The following PPP1R12A variants were observed in gnomAD, a reference collection of about 807,000 sequenced individuals.
PPP1R12A encodes myosin binding subunit.
Under a neutral mutation model 139.6 loss-of-function variants are expected in PPP1R12A, and 19 were observed. The ratio of observed to expected loss-of-function variants is 0.14; its 90% CI spans 0.09 to 0.20. PPP1R12A has a LOEUF of 0.20. PPP1R12A is among the 10% of genes least tolerant of loss of function. The pLI, the probability that PPP1R12A is intolerant of heterozygous loss-of-function variation, is 1.00. For missense variants in PPP1R12A, 925 were observed against 1,211.5 expected, an observed-to-expected ratio of 0.76 and a Z score of 3.51; for synonymous variants, 427 against 420.6, an observed-to-expected ratio of 1.02 and a Z score of -0.19.
At chr12:79,812,817 T>C (rs1011707710) in intron 9 of PPP1R12A, among the ~76,000 whole-genome samples, 2 of 152,152 alleles carry the variant, frequency 1.3e-5, no homozygotes, top group African/African-American at 2.4e-5. Context: ...AGTATATCTC[T>C]TCAATCTCCT....
chr12:79,842,629 G>A (rs1475826914), intron 3 of PPP1R12A, among the ~76,000 whole-genome samples: 3 of 150,234 alleles, frequency 2.0e-5, no homozygotes, highest in African/African-American at 7.4e-5. Context: ...CCTGCCCAAA[G>A]GTACTGCAGA....
intron 1 of PPP1R12A, among the ~76,000 whole-genome samples, chr12:79,909,214 G>C (rs1362425304): frequency 6.6e-6 from 1 of 152,092 alleles, no homozygotes; most frequent in Non-Finnish European, 1.5e-5. Flanking sequence ...AGGTCTAATG[G>C]AATAATAAAA....
At position 79,777,177 on chromosome 12, in the gene PPP1R12A, TA is replaced by T. The variant is rs1869832246; in HGVS notation, c.3007-1163del. On this transcript the variant is annotated intron_variant, in intron 24 of 24. Transcript: ENST00000450142. ...AATATATTAATTATATGTAAAATGT[TA>T]TATACTGTTGGTTTTCTCTCTAGTA... 5 of 894,426 alleles carry T rather than the reference TA, an allele frequency of 5.6e-6. No individual in the cohort carries two copies. The African/African-American group carries it at 9.1e-5, about 16-fold the overall frequency. The allele number at this position is 894,426 out of a possible 1,614,324, so 55.4% of individuals were successfully genotyped here. A position where few individuals can be genotyped will look rare whatever the true frequency, so the allele number is the denominator to read the frequency against.
intron 21 of PPP1R12A, chr12:79,788,261 C>G (rs1025499430): frequency 1.9e-5 from 3 of 160,592 alleles, no homozygotes; most frequent in African/African-American, 7.2e-5. Flanking sequence ...CTTAATAGCA[C>G]TTGAGCTGCC....
At chr12:79,884,194 A>G (rs975806294) in intron 1 of PPP1R12A, among the ~76,000 whole-genome samples, 28 of 152,162 alleles carry the variant, frequency 1.8e-4, no homozygotes, top group Non-Finnish European at 4.0e-4. Flanking sequence ...GGTAATTTTT[A>G]AAGTTTCTCC....
intron 14 of PPP1R12A, among the ~76,000 whole-genome samples, chr12:79,800,118 G>A (rs950736971): frequency 3.9e-5 from 6 of 152,080 alleles, no homozygotes; most frequent in Non-Finnish European, 5.9e-5. Context: ...AATCATTAAC[G>A]CTTCATCAAA....
intron 1 of PPP1R12A, among the ~76,000 whole-genome samples, chr12:79,893,376 C>T (rs1024325842): frequency 1.3e-5 from 2 of 152,136 alleles, no homozygotes; most frequent in South Asian, 2.1e-4. Flanking sequence ...ATTATCTACT[C>T]GTATGTACTA....
chr12:79,889,938 A>T (rs1884438985), intron 1 of PPP1R12A, among the ~76,000 whole-genome samples: 1 of 152,096 alleles, frequency 6.6e-6, no homozygotes, highest in Non-Finnish European at 1.5e-5. Flanking sequence ...CACTAATTTC[A>T]ATTTAAAAGG....
chr12:79,807,640 A>C (rs1874007484), intron 11 of PPP1R12A, among the ~76,000 whole-genome samples: 1 of 151,700 alleles, frequency 6.6e-6, no homozygotes, highest in Admixed American at 6.6e-5. Flanking sequence ...ATGTGCCGAC[A>C]AAAAAAATGC....
intron 3 of PPP1R12A, among the ~76,000 whole-genome samples, chr12:79,841,068 AAGAG>A (rs943798768): frequency 5.4e-4 from 81 of 150,200 alleles, no homozygotes; most frequent in Non-Finnish European, 8.3e-4. Context: ...AAAAAAAAAA[AAGAG>A]AGAGAGAGAG....
chr12:79,909,813 T>A (rs775243384), intron 1 of PPP1R12A, among the ~76,000 whole-genome samples: 13 of 152,112 alleles, frequency 8.5e-5, no homozygotes, highest in Admixed American at 2.0e-4. Flanking sequence ...GTTGTTGTTG[T>A]TGACGATGTT....
intron 2 of PPP1R12A, among the ~76,000 whole-genome samples, chr12:79,858,679 A>G (rs1880964619): frequency 6.6e-6 from 1 of 152,206 alleles, no homozygotes; most frequent in Non-Finnish European, 1.5e-5. Flanking sequence ...TCAAAGCACC[A>G]AAAATAACAG....
At chr12:79,903,619 T>C (rs1409417895) in intron 1 of PPP1R12A, among the ~76,000 whole-genome samples, 2 of 152,130 alleles carry the variant, frequency 1.3e-5, no homozygotes, top group Non-Finnish European at 2.9e-5. Context: ...ACTCTTCTGG[T>C]CCCAAGTATC....
intron 22 of PPP1R12A, among the ~76,000 whole-genome samples, chr12:79,783,520 A>C: frequency 6.8e-6 from 1 of 147,846 alleles, no homozygotes; most frequent in East Asian, 1.9e-4. Context: ...GTTAATTCTC[A>C]TTTATTTTTG....
chr12:79,898,722 C>A (rs1171806979), intron 1 of PPP1R12A, among the ~76,000 whole-genome samples: 1 of 152,112 alleles, frequency 6.6e-6, no homozygotes, highest in Non-Finnish European at 1.5e-5. Flanking sequence ...AAACCAATCA[C>A]TAGTCCAATT....
intron 23 of PPP1R12A, 132 bp from the exon 24 acceptor site, chr12:79,778,732 G>T: frequency 1.9e-6 from 1 of 525,526 alleles, no homozygotes; most frequent in Non-Finnish European, 3.1e-6. Flanking sequence ...TGTGATGCCA[G>T]TGATATGTAA....
chr12:79,820,712 ATCTTG>A (rs1243106125), intron 8 of PPP1R12A, 57 bp downstream of exon 8: 9 of 1,563,860 alleles, frequency 5.8e-6, no homozygotes, highest in African/African-American at 4.1e-5. Context: ...ATTACGTCTC[ATCTTG>A]TCTTATTTTA....
intron 2 of PPP1R12A, among the ~76,000 whole-genome samples, chr12:79,845,753 A>G (rs1309342914): frequency 6.6e-6 from 1 of 152,042 alleles, no homozygotes; most frequent in Admixed American, 6.6e-5. Flanking sequence ...GGAGAATGGC[A>G]AGAACCCGGG....
In PPP1R12A at chr12:79,822,692, C is replaced by T. The variant is rs1397916933; in HGVS notation, c.793-502G>A. Among the ~76,000 whole-genome samples, 6 of 151,996 alleles carry T rather than the reference C, an allele frequency of 3.9e-5. No homozygotes were observed. In the East Asian group the frequency reaches 1.2e-3, roughly 29 times the overall value. ...TTCTTTGTGACTGGCTTCTTTCACT[C>T]TACATGTTTTCAAGGTTCATTCATG... On this transcript the variant is annotated intron_variant, in intron 5 of 24. Transcript: ENST00000450142.
Sources: gnomAD v4.1 joint callset for allele counts (sites outside exome capture counted in the v4.1 genomes callset) on GRCh38, gnomAD v4.1.1 for gene constraint, MANE v1.5 for transcripts, NCBI Gene and HGNC (gene_info 2026-07-23, HGNC 2026-07-21) for gene names.